The following SLC35D4 variants were observed in gnomAD, a reference collection of about 807,000 sequenced individuals.
SLC35D4 encodes the protein UDP-N-acetylglucosamine transporter SLC35D4.
At chr18:23,290,972 C>G in the SLC35D4 span, among the ~76,000 whole-genome samples, 1 of 152,160 alleles carries the variant, frequency 6.6e-6, no homozygotes, top group Non-Finnish European at 1.5e-5. Flanking sequence ...GTTCCTGTCT[C>G]TGCCACTAGA....
At chr18:23,255,622 C>T in the SLC35D4 span, among the ~76,000 whole-genome samples, 2 of 149,228 alleles carry the variant, frequency 1.3e-5, no homozygotes, top group Non-Finnish European at 3.0e-5. Context: ...TGCAGTGGCA[C>T]AATCATAGCT....
chr18:23,408,572 A>G, the SLC35D4 span, among the ~76,000 whole-genome samples: 1 of 152,188 alleles, frequency 6.6e-6, no homozygotes, highest in Non-Finnish European at 1.5e-5. Flanking sequence ...CTCGGTTTTC[A>G]AGAGCAGGGA....
At chr18:23,311,624 C>T in the SLC35D4 span, among the ~76,000 whole-genome samples, 1 of 152,182 alleles carries the variant, frequency 6.6e-6, no homozygotes, top group African/African-American at 2.4e-5. Context: ...GGATCTAGAT[C>T]TCCTAGCTGG....
chr18:23,267,715 C>T, the SLC35D4 span, among the ~76,000 whole-genome samples: 3 of 152,314 alleles, frequency 2.0e-5, no homozygotes, highest in Non-Finnish European at 4.4e-5. Context: ...GCCCCATCCT[C>T]TTTCCTTCCT....
chr18:23,267,793 C>T, the SLC35D4 span, among the ~76,000 whole-genome samples: 1 of 152,226 alleles, frequency 6.6e-6, no homozygotes, highest in Non-Finnish European at 1.5e-5. Flanking sequence ...TGTTGCCCAT[C>T]TTGTCACACA....
At chr18:23,253,921 C>G in the SLC35D4 span, 1 of 1,613,964 alleles carries the variant, frequency 6.2e-7, no homozygotes, top group Non-Finnish European at 8.5e-7. Flanking sequence ...AACACGAAGT[C>G]AAGCATTTAA....
the SLC35D4 span, chr18:23,253,758 A>G: frequency 2.5e-6 from 4 of 1,614,190 alleles, no homozygotes; most frequent in South Asian, 1.1e-5. Context: ...AAGCTTGCGC[A>G]GGAGGACTGT....
chr18:23,308,848 T>TTCTCTCTCTC, the SLC35D4 span, among the ~76,000 whole-genome samples: 710 of 140,198 alleles, frequency 5.1e-3, 4 homozygotes, highest in South Asian at 0.027. Flanking sequence ...AGCACGTGTT[T>TTCTCTCTCTC]TCTCTCTCTC....
At chr18:23,400,240 CT>C in the SLC35D4 span, among the ~76,000 whole-genome samples, 1 of 152,220 alleles carries the variant, frequency 6.6e-6, no homozygotes, top group Non-Finnish European at 1.5e-5. Flanking sequence ...CCACGAACTG[CT>C]TTTCTCTTAC....
chr18:23,242,251 C>T, the SLC35D4 span, among the ~76,000 whole-genome samples: 1 of 152,142 alleles, frequency 6.6e-6, no homozygotes, highest in Non-Finnish European at 1.5e-5. Context: ...GCACTCCAGC[C>T]TGGGTGACGA....
At chr18:23,261,315 C>T in the SLC35D4 span, among the ~76,000 whole-genome samples, 15 of 152,132 alleles carry the variant, frequency 9.9e-5, no homozygotes, top group African/African-American at 3.6e-4. Flanking sequence ...GGCAACAGAG[C>T]AAGACCATGT....
chr18:23,355,117 T>C, the SLC35D4 span, among the ~76,000 whole-genome samples: 1 of 152,122 alleles, frequency 6.6e-6, no homozygotes. Flanking sequence ...AACCAATGCA[T>C]TCCTCAAAGA....
chr18:23,303,521 C>T, the SLC35D4 span, among the ~76,000 whole-genome samples: 1 of 152,212 alleles, frequency 6.6e-6, no homozygotes, highest in Non-Finnish European at 1.5e-5. Flanking sequence ...ACGTTCAGTT[C>T]AATACCTGGG....
the SLC35D4 span, chr18:23,370,260 C>T: frequency 3.1e-6 from 5 of 1,613,096 alleles, no homozygotes; most frequent in South Asian, 4.4e-5. Context: ...TTTTATAAGC[C>T]CCTGAAAATG....
At chr18:23,275,009 A>G in the SLC35D4 span, among the ~76,000 whole-genome samples, 18 of 23,224 alleles carry the variant, frequency 7.8e-4, no homozygotes, top group African/African-American at 4.8e-3. Context: ...GTGCTTGTGT[A>G]TGTGTGTGCT....
At chr18:23,418,523 T>C in the SLC35D4 span, among the ~76,000 whole-genome samples, 843 of 151,666 alleles carry the variant, frequency 5.6e-3, 11 homozygotes, top group African/African-American at 0.019. Flanking sequence ...CTCATTTTTG[T>C]ATTTTTAGTA....
the SLC35D4 span, among the ~76,000 whole-genome samples, chr18:23,348,222 A>C: frequency 6.6e-6 from 1 of 152,188 alleles, no homozygotes; most frequent in Non-Finnish European, 1.5e-5. Flanking sequence ...CAGTCTTTTA[A>C]AACTTGGGAG....
At chr18:23,262,929 C>T in the SLC35D4 span, among the ~76,000 whole-genome samples, 1 of 152,198 alleles carries the variant, frequency 6.6e-6, no homozygotes, top group African/African-American at 2.4e-5. Context: ...AAACCAGAGA[C>T]GTGAACTGTG....
chr18:23,323,818 A>C, the SLC35D4 span, among the ~76,000 whole-genome samples: 1 of 152,014 alleles, frequency 6.6e-6, no homozygotes, highest in Non-Finnish European at 1.5e-5. Context: ...TTGGCTCACG[A>C]CTGTAATCCC....
Sources: gnomAD v4.1 joint callset for allele counts (sites outside exome capture counted in the v4.1 genomes callset) on GRCh38, gnomAD v4.1.1 for gene constraint, MANE v1.5 for transcripts, NCBI Gene and HGNC (gene_info 2026-07-23, HGNC 2026-07-21) for gene names.